The following CLEC5A variants were observed in gnomAD, a reference collection of about 807,000 sequenced individuals.
CLEC5A encodes C-type lectin domain containing 5A, also known as C-type lectin domain family 5 member A.
CLEC5A carries 15 observed loss-of-function variants against 24.4 expected under a neutral mutation model. That is an observed-to-expected ratio of 0.62 (90% CI 0.41 to 0.95). The LOEUF is 0.95. CLEC5A is among the 40% of genes least tolerant of loss of function. CLEC5A has a pLI of 0.00. For synonymous variants in CLEC5A, 71 were observed against 72.6 expected (o/e 0.98, Z 0.11); for missense variants, 211 against 224.0 (o/e 0.94, Z 0.37).
At chr7:141,936,202 T>C (rs2128961173) in intron 4 of CLEC5A, 1 of 481,312 alleles carries the variant, frequency 2.1e-6, no homozygotes, top group Non-Finnish European at 3.7e-6. Flanking sequence ...AACACCAAAT[T>C]TGACAACTAT....
intron 4 of CLEC5A, 145 bp from the exon 5 acceptor site, chr7:141,936,095 C>T: frequency 1.4e-6 from 1 of 704,972 alleles, no homozygotes; most frequent in Non-Finnish European, 2.4e-6. Context: ...GAAGAAATTC[C>T]ACCCAGTCTA....
At position 141,928,267 on chromosome 7, in the gene CLEC5A, A is replaced by G. The variant is rs1802356347; in HGVS notation, c.*1837T>C. On this transcript the variant is annotated 3_prime_UTR_variant, in exon 7 of 7. Transcript: ENST00000546910. The stretch of plus-strand genomic sequence containing the variant: ...AATCTTGGGGGAAATTAAACTGTCT[A>G]CTAAAGAAATCACTAGATGTCTACA... 1 of 152,638 alleles carries G rather than the reference A, an allele frequency of 6.6e-6. No individual in the cohort carries two copies. Among genetic ancestry groups the G allele is most frequent in the African/African-American group, 2.4e-5 (1 of 41,456 alleles). 9.5% of individuals were successfully genotyped at this position (152,638 alleles called of 1,614,324 possible).
At chr7:141,946,490 T>C (rs79198392) in intron 1 of CLEC5A, among the ~76,000 whole-genome samples, 178 bp from the exon 2 acceptor site, 3,309 of 152,288 alleles carry the variant, frequency 0.022, 55 homozygotes, top group Middle Eastern at 0.075. Flanking sequence ...AAGAATCATG[T>C]ATTGATTGGA....
chr7:141,933,575 CATATATAT>C (rs3043785), intron 5 of CLEC5A, among the ~76,000 whole-genome samples: 23,117 of 114,164 alleles, frequency 0.2, 2,499 homozygotes, highest in Middle Eastern at 0.26. Flanking sequence ...AGGGAGCAGG[CATATATAT>C]ATATATATAT....
intron 3 of CLEC5A, among the ~76,000 whole-genome samples, 167 bp downstream of exon 3, chr7:141,945,174 G>T (rs185838054): frequency 3.9e-5 from 6 of 152,226 alleles, no homozygotes; most frequent in African/African-American, 1.4e-4. Context: ...CCCTCAGTCT[G>T]CTCTTGGTTT....
At chr7:141,935,361 A>G (rs1289991039) in intron 5 of CLEC5A, among the ~76,000 whole-genome samples, 6 of 152,108 alleles carry the variant, frequency 3.9e-5, no homozygotes, top group African/African-American at 1.5e-4. Context: ...CAAATTCAGT[A>G]TGACCTGATT....
intron 4 of CLEC5A, 153 bp from the exon 5 acceptor site, chr7:141,936,103 C>T (rs781794704): frequency 8.2e-5 from 55 of 672,870 alleles, no homozygotes; most frequent in Non-Finnish European, 1.2e-4. Flanking sequence ...TCCACCCAGT[C>T]TAGTCTGGTT....
chr7:141,933,559 G>C (rs966183709), intron 5 of CLEC5A, among the ~76,000 whole-genome samples: 2 of 138,058 alleles, frequency 1.4e-5, no homozygotes, highest in Non-Finnish European at 3.1e-5. Flanking sequence ...GTGACTCAGC[G>C]AGTTTAGGGA....
intron 5 of CLEC5A, among the ~76,000 whole-genome samples, chr7:141,934,622 T>TTGTTG (rs2128960868): frequency 1.6e-5 from 2 of 122,544 alleles, no homozygotes; most frequent in East Asian, 4.8e-4. Flanking sequence ...CGTTTTTTTT[T>TTGTTG]TTTTTTTTTT....
chr7:141,945,909 A>G, intron 2 of CLEC5A: 1 of 367,014 alleles, frequency 2.7e-6, no homozygotes, highest in East Asian at 5.5e-5. Context: ...GCCAACAATA[A>G]CAAGCGCTGC....
chr7:141,946,261 A>G lies in CLEC5A; in HGVS notation c.32T>C (p.Ile11Thr), dbSNP rs782326220. The change falls in exon 2 of 7, where the codon ATT becomes ACT. Residue 11 changes from isoleucine (I) to threonine (T), a missense_variant. By Grantham distance (89) the Ile-to-Thr change is moderately conservative. Transcript: ENST00000546910. The part of the protein sequence containing the change: MNWHMIISGL[I>T]VVVLKVVGMT... ...TCCAACAACTTTAAGCACTACCACA[A>G]TAAGCCCAGAGATGATCATGTGCCA... is the stretch of plus-strand genomic sequence containing the variant. The G allele has an allele frequency of 1.5e-5, 23 of 1,572,604 alleles. No homozygotes were observed. The South Asian group carries it at 2.1e-4, about 14-fold the overall frequency.
chr7:141,929,900 CTGAGT>C lies in CLEC5A; in HGVS notation c.*199_*203del, dbSNP rs1802400315. The C allele has an allele frequency of 3.6e-6, 2 of 551,180 alleles. No individual in the cohort carries two copies. The highest frequency in any genetic ancestry group is 3.3e-5 in the Admixed American group (1 of 30,494). 34.1% of individuals were successfully genotyped at this position (551,180 alleles called of 1,614,324 possible). A position where few individuals can be genotyped will look rare whatever the true frequency, so the allele number is the denominator to read the frequency against. Reference sequence around the variant, plus strand: ...GAAGCGGACCTCATCTCTATACTAACTGAGTTGTTTCCGTAAAACTGATCCTGTCT... The same window carrying C: ...GAAGCGGACCTCATCTCTATACTAACTGTTTCCGTAAAACTGATCCTGTCT... On this transcript the variant is annotated 3_prime_UTR_variant, in exon 7 of 7. Transcript: ENST00000546910.
chr7:141,931,933 G>T, intron 5 of CLEC5A, 107 bp from the exon 6 acceptor site: 1 of 588,308 alleles, frequency 1.7e-6, no homozygotes, highest in East Asian at 2.9e-5. Context: ...GGCCGGTAGA[G>T]AACTCTGGGA....
intron 4 of CLEC5A, among the ~76,000 whole-genome samples, chr7:141,938,623 C>T (rs1455320019): frequency 4.6e-5 from 7 of 152,022 alleles, no homozygotes; most frequent in Non-Finnish European, 8.8e-5. Flanking sequence ...TATCAATATC[C>T]AAGTACAAGA....
chr7:141,934,613 G>GTTTTTTTTTTTT (rs577797546), intron 5 of CLEC5A, among the ~76,000 whole-genome samples: 2 of 61,786 alleles, frequency 3.2e-5, no homozygotes, highest in African/African-American at 6.5e-5. Context: ...TTTCTTTAAC[G>GTTTTTTTTTTTT]TTTTTTTTTT....
At chr7:141,940,335 C>A (rs1802748393) in intron 4 of CLEC5A, among the ~76,000 whole-genome samples, 1 of 151,744 alleles carries the variant, frequency 6.6e-6, no homozygotes, top group African/African-American at 2.4e-5. Context: ...CCTGGATGAC[C>A]AATCAGTCAA....
chr7:141,935,682 T>C (rs1423180350), intron 5 of CLEC5A, 132 bp downstream of exon 5: 20 of 766,278 alleles, frequency 2.6e-5, no homozygotes, highest in Non-Finnish European at 4.1e-5. Context: ...AACAAATAGC[T>C]TCAGTTTTTC....
At chr7:141,935,406 C>T (rs968650930) in intron 5 of CLEC5A, among the ~76,000 whole-genome samples, 5 of 152,162 alleles carry the variant, frequency 3.3e-5, no homozygotes, top group Non-Finnish European at 5.9e-5. Context: ...TGTCAGTTCA[C>T]GTCTTCCTTG....
At chr7:141,945,189 A>G in intron 3 of CLEC5A, 152 bp downstream of exon 3, 1 of 731,856 alleles carries the variant, frequency 1.4e-6, no homozygotes, top group South Asian at 1.5e-5. Flanking sequence ...TGGTTTTCTC[A>G]TATGTAAAAG....
Sources: gnomAD v4.1 joint callset for allele counts (sites outside exome capture counted in the v4.1 genomes callset) on GRCh38, gnomAD v4.1.1 for gene constraint, MANE v1.5 for transcripts, NCBI Gene and HGNC (gene_info 2026-07-23, HGNC 2026-07-21) for gene names.